TMCC3: variants seen among roughly 807,000 people sequenced by gnomAD.
The protein encoded by TMCC3 is transmembrane and coiled-coil domain protein 3.
In TMCC3, 28 loss-of-function variants were observed where a neutral mutation model predicts 40.2. The ratio of observed to expected loss-of-function variants is 0.70; its 90% CI spans 0.52 to 0.95. The LOEUF is 0.95. Among genes scored for constraint, TMCC3 ranks in the 40% least tolerant of loss-of-function variants. The pLI is 0.00. For missense variants in TMCC3, 554 were observed against 615.2 expected (o/e 0.90, Z 1.05); for synonymous variants, 255 against 248.5 (o/e 1.03, Z -0.25).
At chr12:94,608,319 C>T (rs1054831323) in intron 1 of TMCC3, among the ~76,000 whole-genome samples, 1 of 152,208 alleles carries the variant, frequency 6.6e-6, no homozygotes, top group Non-Finnish European at 1.5e-5. Context: ...ATCTTTCCAA[C>T]TGTTCTTGTT....
chr12:94,570,184 T>C lies in TMCC3; in HGVS notation c.*1251A>G, dbSNP rs1297515867. 1 of 152,240 alleles carries C rather than the reference T, an allele frequency of 6.6e-6. No individual in the cohort carries two copies. The highest frequency in any genetic ancestry group is 1.5e-5 in the Non-Finnish European group (1 of 68,044). The allele number at this position is 152,240 out of a possible 1,614,324, so 9.4% of individuals were successfully genotyped here. A position where few individuals can be genotyped will look rare whatever the true frequency, so the allele number is the denominator to read the frequency against. ...CTAGTCTTTCACTTCTCAAAGACGA[T>C]GCTCTCAATCTTCATCCAGGTGAAC... On this transcript the variant is annotated 3_prime_UTR_variant, in exon 4 of 4. Coordinates refer to ENST00000261226, the MANE Select transcript of TMCC3 (RefSeq NM_020698.4).
chr12:94,586,522 A>G (rs565760913), intron 1 of TMCC3, among the ~76,000 whole-genome samples: 48 of 152,384 alleles, frequency 3.1e-4, no homozygotes, highest in Non-Finnish European at 2.8e-4. Context: ...CCTGGAGCTC[A>G]CAGATAAGAC....
rs374314424 is a variant in TMCC3 at position 94,643,158 on chromosome 12, C to G, written c.78+7195G>C. On this transcript the variant is annotated intron_variant, in intron 1 of 3. Coordinates refer to ENST00000261226, the MANE Select transcript of TMCC3 (RefSeq NM_020698.4). ...AGTGAGCCGAGATTGCACCACTGCA[C>G]TCCAGCCTGGTGAAAGAGCAAGACT... Among the ~76,000 whole-genome samples the G allele has an allele frequency of 8.6e-5, 13 of 151,994 alleles. No homozygotes were observed. In the East Asian group the frequency reaches 1.9e-3, roughly 23 times the overall value.
chr12:94,590,260 A>ATTTTTTTTTT lies in TMCC3; in HGVS notation c.79-7732_79-7723dup, dbSNP rs72186655. On this transcript the variant is annotated intron_variant, in intron 1 of 3. Transcript: ENST00000261226. Reference sequence around the variant, plus strand: ...AGGTGAGTGCCACCACGCCCTGCTAATTTTTTTTTTTTTTTTTTTTTTTTT... The same window carrying ATTTTTTTTTT: ...AGGTGAGTGCCACCACGCCCTGCTAATTTTTTTTTTTTTTTTTTTTTTTTTTTTTTTTTTT... 1.2e-4 allele frequency among the ~76,000 whole-genome samples: 10 copies of ATTTTTTTTTT among 85,362 alleles called. 1 individual carries two copies. Among genetic ancestry groups the ATTTTTTTTTT allele is most frequent in the African/African-American group, 5.5e-4 (10 of 18,234 alleles). The allele number at this position is 85,362 out of a possible 152,430, so 56.0% of individuals were successfully genotyped here.
At chr12:94,591,135 T>G in intron 1 of TMCC3, 1 of 421,180 alleles carries the variant, frequency 2.4e-6, no homozygotes, top group Non-Finnish European at 4.7e-6. Context: ...TGAAACAATT[T>G]GTCCTGTATG....
At chr12:94,597,120 A>AAAAAAAAAAAAAAATATATATATATAT in intron 1 of TMCC3, among the ~76,000 whole-genome samples, 1 of 5,488 alleles carries the variant, frequency 1.8e-4, no homozygotes, top group African/African-American at 4.5e-4. Flanking sequence ...TCTCTATTAA[A>AAAAAAAAAAAAAAATATATATATATAT]ATACATATAT....
chr12:94,605,381 T>C (rs2068776900), intron 1 of TMCC3, among the ~76,000 whole-genome samples: 1 of 152,214 alleles, frequency 6.6e-6, no homozygotes, highest in African/African-American at 2.4e-5. Context: ...TGGATTTAGT[T>C]CAGGTCACAT....
chr12:94,578,146 C>CA (rs1183420863), intron 3 of TMCC3, among the ~76,000 whole-genome samples: 494 of 34,590 alleles, frequency 0.014, 18 homozygotes, highest in Admixed American at 0.022. Flanking sequence ...AGACTCACCT[C>CA]AAAAAAAAAA....
chr12:94,638,172 TAA>T lies in TMCC3; in HGVS notation c.78+12179_78+12180del, dbSNP rs538381583. On this transcript the variant is annotated intron_variant, in intron 1 of 3. Coordinates refer to ENST00000261226, the MANE Select transcript of TMCC3 (RefSeq NM_020698.4). ...GCAAAATATACACTCAATGTAAAAA[TAA>T]AAGAGTGATCTAGCTGGAGAAGGTC... Among the ~76,000 whole-genome samples the T allele has an allele frequency of 2.0e-5, 3 of 152,230 alleles. No homozygotes were observed. In the South Asian group the frequency reaches 6.2e-4, roughly 32 times the overall value.
intron 1 of TMCC3, among the ~76,000 whole-genome samples, chr12:94,599,020 G>A (rs2068734929): frequency 1.3e-5 from 2 of 152,126 alleles, no homozygotes; most frequent in Non-Finnish European, 2.9e-5. Flanking sequence ...CCTAAATAAA[G>A]GTTTGCTTCC....
chr12:94,619,791 T>C (rs766716012), intron 1 of TMCC3, among the ~76,000 whole-genome samples: 7 of 152,208 alleles, frequency 4.6e-5, no homozygotes, highest in South Asian at 2.1e-4. Flanking sequence ...TTAAATCGCA[T>C]ATCAATAGGC....
intron 1 of TMCC3, among the ~76,000 whole-genome samples, chr12:94,584,491 C>G (rs1190401606): frequency 6.6e-6 from 1 of 151,996 alleles, no homozygotes; most frequent in Non-Finnish European, 1.5e-5. Context: ...TGAGAACAGA[C>G]TAATGCTCTA....
intron 1 of TMCC3, among the ~76,000 whole-genome samples, chr12:94,638,772 T>C (rs2068974065): frequency 6.6e-6 from 1 of 152,194 alleles, no homozygotes; most frequent in African/African-American, 2.4e-5. Context: ...GATCACAACA[T>C]CTTGACAAAG....
chr12:94,602,900 C>A (rs924962840), intron 1 of TMCC3, among the ~76,000 whole-genome samples: 2 of 152,074 alleles, frequency 1.3e-5, no homozygotes, highest in African/African-American at 4.8e-5. Context: ...CTTAGGTCCT[C>A]GTAAAGAAGC....
chr12:94,643,376 C>A (rs373077591), intron 1 of TMCC3, among the ~76,000 whole-genome samples: 2 of 152,202 alleles, frequency 1.3e-5, no homozygotes, highest in South Asian at 4.1e-4. Context: ...AAGGTGTGAA[C>A]CCACAGGCCA....
chr12:94,614,440 A>AT (rs2068835981), intron 1 of TMCC3, among the ~76,000 whole-genome samples: 4 of 152,146 alleles, frequency 2.6e-5, no homozygotes, highest in African/African-American at 9.7e-5. Flanking sequence ...CCTCCTCTCC[A>AT]TAAACTGACT....
intron 1 of TMCC3, among the ~76,000 whole-genome samples, chr12:94,585,123 G>A (rs2068630390): frequency 6.6e-6 from 1 of 152,148 alleles, no homozygotes; most frequent in Non-Finnish European, 1.5e-5. Context: ...GCTACTCTAT[G>A]TCTTAGAAAC....
chr12:94,625,593 C>CAAAA (rs540684724), intron 1 of TMCC3, among the ~76,000 whole-genome samples: 1 of 105,060 alleles, frequency 9.5e-6, no homozygotes, highest in East Asian at 3.0e-4. Context: ...GACTCCATCT[C>CAAAA]AAAAAAAAAA....
chr12:94,614,783 T>G (rs1430826514), intron 1 of TMCC3, among the ~76,000 whole-genome samples: 1 of 151,516 alleles, frequency 6.6e-6, no homozygotes, highest in Admixed American at 6.6e-5. Context: ...TTTTTTGGTT[T>G]GAGACAGAGT....
Sources: gnomAD v4.1 joint callset for allele counts (sites outside exome capture counted in the v4.1 genomes callset) on GRCh38, gnomAD v4.1.1 for gene constraint, MANE v1.5 for transcripts, NCBI Gene and HGNC (gene_info 2026-07-23, HGNC 2026-07-21) for gene names.